Variants in NDUFB3 observed in about 807,000 individuals in gnomAD.
NDUFB3 encodes NADH dehydrogenase [ubiquinone] 1 beta subcomplex subunit 3.
A neutral mutation model predicts 9.0 loss-of-function variants in NDUFB3; 7 were observed. The observed-to-expected ratio is 0.78, with a 90% CI of 0.44 to 1.46. The LOEUF (loss-of-function observed/expected upper bound fraction) is 1.46. Among genes scored for constraint, NDUFB3 ranks in the 40% most tolerant of loss-of-function variants. The pLI is 0.01. For missense variants in NDUFB3, 93 were observed against 115.4 expected, an observed-to-expected ratio of 0.81 and a Z score of 0.89; for synonymous variants, 29 against 38.5, an observed-to-expected ratio of 0.75 and a Z score of 0.91.
Position 201,078,308 on chromosome 2 carries a change from TAAG to T in NDUFB3, c.-2-560_-2-558del, listed in dbSNP as rs771800596. On this transcript the variant is annotated intron_variant, in intron 1 of 2. Transcript: ENST00000237889. The stretch of plus-strand genomic sequence containing the variant: ...CAGAGCGAGACGCCGTCTCAAAAAA[TAAG>T]AAGAAGAAGAAGTTAGGAGCAGGGT... Among the ~76,000 whole-genome samples, 64 of 150,698 alleles carry T rather than the reference TAAG, an allele frequency of 4.2e-4. 2 individuals are homozygous for T. Among genetic ancestry groups the T allele is most frequent in the South Asian group, 1.7e-3 (8 of 4,742 alleles).
chr2:201,080,336 A>C (rs2125535902), intron 2 of NDUFB3, among the ~76,000 whole-genome samples: 1 of 152,304 alleles, frequency 6.6e-6, no homozygotes, highest in Middle Eastern at 3.4e-3. Flanking sequence ...TGGGAAGCCA[A>C]GGCAGGCGGA....
intron 2 of NDUFB3, 54 bp from the exon 3 acceptor site, chr2:201,085,405 C>T (rs922005284): frequency 7.4e-6 from 10 of 1,350,662 alleles, no homozygotes; most frequent in African/African-American, 4.4e-5. Context: ...ATGTCTTCAA[C>T]GTATATACAC....
At chr2:201,074,213 A>G (rs1416826938) in intron 1 of NDUFB3, among the ~76,000 whole-genome samples, 3 of 152,128 alleles carry the variant, frequency 2.0e-5, no homozygotes, top group Admixed American at 2.0e-4. Context: ...TCAGCCTCCC[A>G]AAGTGCTGGG....
At chr2:201,078,184 C>T (rs1408646251) in intron 1 of NDUFB3, among the ~76,000 whole-genome samples, 1 of 152,162 alleles carries the variant, frequency 6.6e-6, no homozygotes, top group African/African-American at 2.4e-5. Context: ...CACCTGTAGT[C>T]CCAGCTACTC....
chr2:201,078,303 A>C (rs2047187649), intron 1 of NDUFB3, among the ~76,000 whole-genome samples: 1 of 152,012 alleles, frequency 6.6e-6, no homozygotes, highest in Non-Finnish European at 1.5e-5. Context: ...CGCCGTCTCA[A>C]AAAATAAGAA....
At chr2:201,073,622 G>A (rs1210490842) in intron 1 of NDUFB3, among the ~76,000 whole-genome samples, 1 of 152,052 alleles carries the variant, frequency 6.6e-6, no homozygotes, top group African/African-American at 2.4e-5. Flanking sequence ...CAAAAAATTA[G>A]CCGGGTGTGG....
intron 1 of NDUFB3, among the ~76,000 whole-genome samples, chr2:201,078,526 A>C (rs1469649518): frequency 1.3e-5 from 2 of 152,200 alleles, no homozygotes; most frequent in African/African-American, 4.8e-5. Context: ...GCATATGTTT[A>C]CTATTTATAA....
chr2:201,081,607 C>T (rs913555823), intron 2 of NDUFB3, among the ~76,000 whole-genome samples: 2 of 151,258 alleles, frequency 1.3e-5, no homozygotes, highest in African/African-American at 4.9e-5. Flanking sequence ...AGGTCTTGCA[C>T]ATATTTTATT....
intron 2 of NDUFB3, among the ~76,000 whole-genome samples, chr2:201,084,662 A>G (rs1241297330): frequency 2.0e-5 from 3 of 152,184 alleles, no homozygotes; most frequent in African/African-American, 7.2e-5. Flanking sequence ...GAATATTTGC[A>G]TCTATGTTCA....
chr2:201,079,017 GGGCC>G lies in NDUFB3; in HGVS notation c.138_140+1del, dbSNP rs1453186038. The G allele has an allele frequency of 6.2e-7, 1 of 1,607,158 alleles. No individual in the cohort carries two copies. The highest frequency in any genetic ancestry group is 1.1e-5 in the South Asian group (1 of 89,482). ...CTGCAAAAGGGCTAAGGGATCCATG[GGGCC>G]GGTAAGATGAATTAAGTAATTTAGA... On this transcript the variant is annotated frameshift_variant and splice_region_variant, in exon 2 of 3. Transcript: ENST00000237889. LOFTEE classifies it high-confidence loss of function.
chr2:201,079,091 G>A (rs886558170), intron 2 of NDUFB3, 69 bp downstream of exon 2: 2 of 1,482,824 alleles, frequency 1.3e-6, no homozygotes, highest in Admixed American at 4.8e-5. Flanking sequence ...GCTTTTCAAT[G>A]TATTCTCCTT....
chr2:201,085,139 G>C (rs1004450901), intron 2 of NDUFB3, among the ~76,000 whole-genome samples: 1 of 152,216 alleles, frequency 6.6e-6, no homozygotes, highest in African/African-American at 2.4e-5. Flanking sequence ...CCGTGATGTT[G>C]TAATGACTAG....
chr2:201,074,232 C>T (rs746720486), intron 1 of NDUFB3, among the ~76,000 whole-genome samples: 4 of 152,032 alleles, frequency 2.6e-5, no homozygotes, highest in South Asian at 4.2e-4. Context: ...GGATTACAGG[C>T]GTGAGCCACC....
intron 2 of NDUFB3, among the ~76,000 whole-genome samples, chr2:201,081,639 T>A (rs1199362658): frequency 1.3e-5 from 2 of 150,590 alleles, no homozygotes; most frequent in African/African-American, 5.0e-5. Flanking sequence ...GAATTAATTA[T>A]TTATTTTATT....
At chr2:201,077,842 G>C (rs977253078) in intron 1 of NDUFB3, among the ~76,000 whole-genome samples, 1 of 151,986 alleles carries the variant, frequency 6.6e-6, no homozygotes, top group Non-Finnish European at 1.5e-5. Context: ...AAATATTTAC[G>C]ATCTGCCTCT....
At chr2:201,074,643 GAC>G (rs1412964871) in intron 1 of NDUFB3, among the ~76,000 whole-genome samples, 1 of 151,858 alleles carries the variant, frequency 6.6e-6, no homozygotes, top group Non-Finnish European at 1.5e-5. Flanking sequence ...TTTTAGTAGA[GAC>G]AGGGTTTCCC....
chr2:201,073,641 G>A (rs1256784939), intron 1 of NDUFB3, among the ~76,000 whole-genome samples: 5 of 151,960 alleles, frequency 3.3e-5, no homozygotes, highest in Non-Finnish European at 7.4e-5. Flanking sequence ...GGTGGTGCAC[G>A]CCTGTAATCC....
chr2:201,084,439 A>C (rs1276774034), intron 2 of NDUFB3, among the ~76,000 whole-genome samples: 1 of 151,994 alleles, frequency 6.6e-6, no homozygotes, highest in Non-Finnish European at 1.5e-5. Flanking sequence ...CAGCCTGGGC[A>C]ACAGATTGAG....
chr2:201,078,311 G>T (rs1054096884), intron 1 of NDUFB3, among the ~76,000 whole-genome samples: 6 of 151,364 alleles, frequency 4.0e-5, no homozygotes, highest in East Asian at 1.9e-4. Context: ...CAAAAAATAA[G>T]AAGAAGAAGA....
Sources: gnomAD v4.1 joint callset for allele counts (sites outside exome capture counted in the v4.1 genomes callset) on GRCh38, gnomAD v4.1.1 for gene constraint, MANE v1.5 for transcripts, NCBI Gene and HGNC (gene_info 2026-07-23, HGNC 2026-07-21) for gene names.